The following SFMBT2 variants were observed in gnomAD, a reference collection of about 807,000 sequenced individuals.
SFMBT2 encodes scm-like with four MBT domains protein 2.
In SFMBT2, 38 loss-of-function variants were observed where a neutral mutation model predicts 110.1. That is an observed-to-expected ratio of 0.35 (90% CI 0.27 to 0.45). The LOEUF (loss-of-function observed/expected upper bound fraction) is 0.45. Ranked by LOEUF, SFMBT2 falls within the 20% of genes least tolerant of loss-of-function variation. SFMBT2 has a pLI of 1.00. For missense variants in SFMBT2, 1,011 were observed against 1,094.9 expected (o/e 0.92, Z 1.08); for synonymous variants, 425 against 425.4 (o/e 1.00, Z 0.01).
chr10:7,383,624 C>T (rs756692099), intron 1 of SFMBT2, among the ~76,000 whole-genome samples: 7 of 152,108 alleles, frequency 4.6e-5, no homozygotes, highest in Non-Finnish European at 8.8e-5. Flanking sequence ...CGGAGTGGGT[C>T]GGCAAACAGC....
At chr10:7,354,252 A>C (rs1844426348) in intron 4 of SFMBT2, among the ~76,000 whole-genome samples, 1 of 152,210 alleles carries the variant, frequency 6.6e-6, no homozygotes, top group South Asian at 2.1e-4. Context: ...GCAGTATATA[A>C]TTCAACTTTT....
At chr10:7,320,692 T>G in intron 4 of SFMBT2, 1 of 835,140 alleles carries the variant, frequency 1.2e-6, no homozygotes, top group African/African-American at 1.8e-5. Flanking sequence ...AAAGTAAAGT[T>G]TAAAGAGTCT....
chr10:7,173,090 G>A (rs1347516689), intron 17 of SFMBT2, among the ~76,000 whole-genome samples: 1 of 152,222 alleles, frequency 6.6e-6, no homozygotes, highest in Non-Finnish European at 1.5e-5. Flanking sequence ...AGAAACCAAA[G>A]CTGCTGACAC....
At chr10:7,252,372 C>T (rs568410357) in intron 7 of SFMBT2, among the ~76,000 whole-genome samples, 1 of 152,286 alleles carries the variant, frequency 6.6e-6, no homozygotes, top group East Asian at 1.9e-4. Context: ...CTCAGGGCTG[C>T]GGACTGTATT....
chr10:7,200,353 T>A (rs1786598708), intron 14 of SFMBT2, 61 bp downstream of exon 14: 1 of 1,315,114 alleles, frequency 7.6e-7, no homozygotes, highest in Non-Finnish European at 1.0e-6. Context: ...AACCTATACA[T>A]GTCTCTGCTC....
intron 2 of SFMBT2, among the ~76,000 whole-genome samples, chr10:7,373,338 G>A (rs565446775): frequency 2.0e-5 from 3 of 152,312 alleles, no homozygotes; most frequent in Admixed American, 1.3e-4. Flanking sequence ...CATAGACTTC[G>A]CAGCCACCAG....
intron 5 of SFMBT2, chr10:7,284,985 T>A (rs1842047294): frequency 6.6e-6 from 1 of 152,138 alleles, no homozygotes; most frequent in East Asian, 1.9e-4. Flanking sequence ...TCAGGCAAAA[T>A]CTTCACAAAA....
At chr10:7,284,206 GA>G (rs1842024369) in intron 5 of SFMBT2, 56 bp from the exon 6 acceptor site, 1 of 1,580,712 alleles carries the variant, frequency 6.3e-7, no homozygotes, top group Admixed American at 1.9e-5. Context: ...GGTTCTCATG[GA>G]AACAGATGAC....
intron 9 of SFMBT2, among the ~76,000 whole-genome samples, chr10:7,236,512 G>C (rs890410723): frequency 3.9e-5 from 6 of 152,202 alleles, no homozygotes; most frequent in African/African-American, 1.4e-4. Flanking sequence ...CATGACAGTG[G>C]TGGCATTATA....
chr10:7,323,470 C>CAAAA (rs34153060), intron 4 of SFMBT2, among the ~76,000 whole-genome samples: 2 of 120,568 alleles, frequency 1.7e-5, no homozygotes, highest in African/African-American at 6.3e-5. Context: ...AAAAAAAAAC[C>CAAAA]AAAAAAAAAA....
At chr10:7,304,369 C>T (rs1040791038) in intron 4 of SFMBT2, among the ~76,000 whole-genome samples, 1 of 152,154 alleles carries the variant, frequency 6.6e-6, no homozygotes, top group African/African-American at 2.4e-5. Context: ...TGAGGCCTCC[C>T]CAGCCATGTG....
intron 11 of SFMBT2, chr10:7,214,490 G>T: frequency 1.1e-6 from 1 of 889,246 alleles, no homozygotes. Flanking sequence ...CTTAAGATGG[G>T]CAAAGGACAG....
In SFMBT2 at chr10:7,160,407, T is replaced by C. The variant is rs976230482; in HGVS notation, c.*3363A>G. ...GAGCGATGGGCTGTCATGATTCAAGTTGAGGTGGCATCTCTTTCTCAGGGT... is the reference window on the plus strand; with the variant it reads ...GAGCGATGGGCTGTCATGATTCAAGCTGAGGTGGCATCTCTTTCTCAGGGT... On this transcript the variant is annotated 3_prime_UTR_variant, in exon 21 of 21. Coordinates refer to ENST00000397167, the MANE Select transcript of SFMBT2 (RefSeq NM_001387889.1). 3 of 152,298 alleles carry C rather than the reference T, an allele frequency of 2.0e-5. No individual in the cohort carries two copies. Among genetic ancestry groups the C allele is most frequent in the African/African-American group, 7.2e-5 (3 of 41,460 alleles). 9.4% of individuals were successfully genotyped at this position (152,298 alleles called of 1,614,324 possible).
Position 7,382,034 on chromosome 10 carries a change from C to A in SFMBT2, c.-51-85G>T, listed in dbSNP as rs182277636. ...TATTTTTAATTTTGTTTAAAAAAAA[C>A]CTTATTAGTGCCACTACCATTTCAT... is the stretch of plus-strand genomic sequence containing the variant. On this transcript the variant is annotated intron_variant, in intron 1 of 20. Transcript: ENST00000397167. The A allele has an allele frequency of 1.4e-3, 880 of 647,370 alleles. 8 individuals are homozygous for A. In the African/African-American group the frequency reaches 0.015, roughly 11 times the overall value. 40.1% of individuals were successfully genotyped at this position (647,370 alleles called of 1,614,324 possible). A position where few individuals can be genotyped will look rare whatever the true frequency, so the allele number is the denominator to read the frequency against.
At chr10:7,198,725 A>G (rs549515013) in intron 14 of SFMBT2, among the ~76,000 whole-genome samples, 15 of 152,300 alleles carry the variant, frequency 9.8e-5, no homozygotes, top group Non-Finnish European at 1.3e-4. Flanking sequence ...CAAGCAGAAT[A>G]ATTAAATGAT....
At chr10:7,352,557 A>G (rs1369307082) in intron 4 of SFMBT2, among the ~76,000 whole-genome samples, 1 of 152,092 alleles carries the variant, frequency 6.6e-6, no homozygotes, top group African/African-American at 2.4e-5. Context: ...TTTTAAACTC[A>G]AAAGAAAAGA....
intron 9 of SFMBT2, among the ~76,000 whole-genome samples, chr10:7,232,805 C>G (rs1840143598): frequency 6.6e-6 from 1 of 152,064 alleles, no homozygotes; most frequent in South Asian, 2.1e-4. Context: ...AATCTTTGCC[C>G]TATTTTAAAT....
chr10:7,267,553 C>T (rs1841433786), intron 7 of SFMBT2, among the ~76,000 whole-genome samples: 1 of 152,132 alleles, frequency 6.6e-6, no homozygotes, highest in South Asian at 2.1e-4. Context: ...GTTCAAGTGA[C>T]TTCTGGCTAA....
chr10:7,173,593 A>G (rs538836720), intron 17 of SFMBT2, among the ~76,000 whole-genome samples: 5 of 152,240 alleles, frequency 3.3e-5, no homozygotes, highest in Non-Finnish European at 5.9e-5. Context: ...TAATTCAAAA[A>G]TTATTTATTG....
Sources: allele counts gnomAD v4.1 joint callset (sites outside exome capture counted in the v4.1 genomes callset), GRCh38; gene constraint gnomAD v4.1.1; transcripts MANE v1.5; gene names NCBI Gene and HGNC (gene_info 2026-07-23, HGNC 2026-07-21).